The following SH2B3 variants were observed in gnomAD, a reference collection of about 807,000 sequenced individuals.
SH2B3 encodes the protein SH2B adapter protein 3.
A neutral mutation model predicts 51.9 loss-of-function variants in SH2B3; 43 were observed. The observed-to-expected ratio is 0.83, with a 90% CI of 0.65 to 1.07. The LOEUF (loss-of-function observed/expected upper bound fraction) is 1.07. Among genes scored for constraint, SH2B3 ranks in the 50% least tolerant of loss-of-function variants. The pLI is 0.00. For synonymous variants in SH2B3, 396 were observed against 376.0 expected (o/e 1.05, Z -0.62); for missense variants, 952 against 834.3 (o/e 1.14, Z -1.74).
intron 2 of SH2B3, among the ~76,000 whole-genome samples, chr12:111,419,656 A>G (rs1054168792): frequency 3.3e-5 from 5 of 151,834 alleles, no homozygotes; most frequent in African/African-American, 9.7e-5. Flanking sequence ...AAAAATGTTT[A>G]GACTTACAGG....
At position 111,448,627 on chromosome 12, in the gene SH2B3, G is replaced by A. The variant is rs1874303885; in HGVS notation, c.*325G>A. 15 of 278,408 alleles carry A rather than the reference G, an allele frequency of 5.4e-5. No homozygotes were observed. In the South Asian group the frequency reaches 9.6e-4, roughly 18 times the overall value. 17.2% of individuals were successfully genotyped at this position (278,408 alleles called of 1,614,324 possible). On this transcript the variant is annotated 3_prime_UTR_variant, in exon 8 of 8. Coordinates refer to ENST00000341259, the MANE Select transcript of SH2B3 (RefSeq NM_005475.3). ...TGGGGTGAGGGCCAGAGCTGGCAGTGGAAACTTGTTCTCTTTTTCACTGAC... is the reference window on the plus strand; with the variant it reads ...TGGGGTGAGGGCCAGAGCTGGCAGTAGAAACTTGTTCTCTTTTTCACTGAC...
rs1872500142 is a variant in SH2B3 at position 111,431,621 on chromosome 12, C to T, written c.732+12744C>T. On this transcript the variant is annotated intron_variant, in intron 2 of 7. Transcript: ENST00000341259. ...TGAGACTGGGGGACACTGCTCTGTC[C>T]CCCAGACTAGAGAGCAGTGGCGCCA... Among the ~76,000 whole-genome samples the T allele has an allele frequency of 2.6e-5, 4 of 152,118 alleles. No individual in the cohort carries two copies. The South Asian group carries it at 8.3e-4, about 32-fold the overall frequency.
At position 111,410,638 on chromosome 12, in the gene SH2B3, A is replaced by G. The variant is rs1361213213; in HGVS notation, c.-28+4361A>G. On this transcript the variant is annotated intron_variant, in intron 1 of 7. Transcript: ENST00000341259. The surrounding 1 kb of genome is among the most constrained non-coding windows in gnomAD (Gnocchi z 4.9). Reference sequence around the variant, plus strand: ...CTGGCAGACTGTGCTGGCCTGATAAATGTCCCCGGGGCACAAGGTGACCCC... The same window carrying G: ...CTGGCAGACTGTGCTGGCCTGATAAGTGTCCCCGGGGCACAAGGTGACCCC... Among the ~76,000 whole-genome samples the G allele has an allele frequency of 6.6e-6, 1 of 152,158 alleles. No individual in the cohort carries two copies. The highest frequency in any genetic ancestry group is 1.9e-4 in the East Asian group (1 of 5,182).
chr12:111,419,853 G>A (rs753773614), intron 2 of SH2B3, among the ~76,000 whole-genome samples: 3 of 152,026 alleles, frequency 2.0e-5, no homozygotes, highest in Non-Finnish European at 4.4e-5. Flanking sequence ...GTTCCAGCTC[G>A]CCCCCCAGGA....
intron 2 of SH2B3, among the ~76,000 whole-genome samples, chr12:111,422,233 AC>A (rs1871618751): frequency 6.6e-6 from 1 of 152,106 alleles, no homozygotes; most frequent in Admixed American, 6.5e-5. Flanking sequence ...GGCGCGTGCC[AC>A]CACACCCAGC....
At position 111,448,132 on chromosome 12, in the gene SH2B3, T is replaced by C; in HGVS notation, c.1558T>C (p.Ser520Pro). 3.1e-6 allele frequency: 5 copies of C among 1,614,082 alleles called. No individual in the cohort carries two copies. The highest frequency in any genetic ancestry group is 3.4e-6 in the Non-Finnish European group (4 of 1,179,992). The change falls in exon 8 of 8, where the codon TCA becomes CCA. Residue 520 changes from serine to proline, a missense_variant. By Grantham distance (74) the Ser-to-Pro change is moderately conservative. Transcript: ENST00000341259. The stretch of plus-strand genomic sequence containing the variant: ...CCCAGAGGGTCTCCCAGGGCGATCC[T>C]CACCCCCCGAGCAGATCTTCCACCT... ...LSPEGLPGRS[S>P]PPEQIFHLVP...
rs1490131569 is a variant in SH2B3, at chr12:111,418,218, G to A, written c.73G>A (p.Gly25Ser). 6 of 1,582,288 alleles carry A rather than the reference G, an allele frequency of 3.8e-6. No individual in the cohort carries two copies. The highest frequency in any genetic ancestry group is 8.5e-7 in the Non-Finnish European group (1 of 1,173,644). ...PSASPAAAPR[G>S]WSEFCELHAV... ...AGCCTCCCCGGCGGCGGCCCCGCGG[G>A]GCTGGAGCGAGTTCTGTGAGTTGCA... is the stretch of plus-strand genomic sequence containing the variant. Residue 25 changes from glycine (G) to serine (S), a missense_variant, in exon 2 of 8, where the codon GGC becomes AGC. By Grantham distance (56) the Gly-to-Ser change is moderately conservative (BLOSUM62 0). Transcript: ENST00000341259. This position sits in a 1 kb window ranked among gnomAD's most constrained non-coding sequence, Gnocchi z 6.7.
intron 2 of SH2B3, among the ~76,000 whole-genome samples, chr12:111,432,047 C>T (rs371606752): frequency 4.6e-5 from 7 of 152,116 alleles, no homozygotes; most frequent in East Asian, 1.9e-4. Flanking sequence ...TCAGCCTTTG[C>T]GGGCCTGGCA....
At chr12:111,427,107 C>T (rs1027916191) in intron 2 of SH2B3, among the ~76,000 whole-genome samples, 5 of 152,138 alleles carry the variant, frequency 3.3e-5, no homozygotes, top group South Asian at 4.2e-4. Context: ...GGGGATCGGC[C>T]GGGCACGGTG....
rs566341181 is a variant in SH2B3, at chr12:111,410,817, G to A, written c.-28+4540G>A. On this transcript the variant is annotated intron_variant, in intron 1 of 7. Coordinates refer to ENST00000341259, the MANE Select transcript of SH2B3 (RefSeq NM_005475.3). This position sits in a 1 kb window ranked among gnomAD's most constrained non-coding sequence, Gnocchi z 4.9. ...GCTGTGAAAGGGCAGCAGGCCGCCT[G>A]CCAGGCAGTGTGTGTCAGAATCCCA... Among the ~76,000 whole-genome samples, 140 of 152,314 alleles carry A rather than the reference G, an allele frequency of 9.2e-4. No homozygotes were observed. The highest frequency in any genetic ancestry group is 3.3e-3 in the African/African-American group (137 of 41,568).
At chr12:111,447,625 A>AG in intron 6 of SH2B3, 31 bp from the exon 7 acceptor site, 1 of 1,609,368 alleles carries the variant, frequency 6.2e-7, no homozygotes, top group Non-Finnish European at 8.5e-7. Context: ...CTAGAGGGAC[A>AG]GCCCGAGCCC....
chr12:111,431,668 A>G (rs1872505229), intron 2 of SH2B3, among the ~76,000 whole-genome samples: 1 of 151,904 alleles, frequency 6.6e-6, no homozygotes, highest in African/African-American at 2.4e-5. Flanking sequence ...TGCATCCTCA[A>G]CCTCCTGGGC....
At chr12:111,442,640 C>T (rs907875817) in intron 2 of SH2B3, among the ~76,000 whole-genome samples, 1 of 152,188 alleles carries the variant, frequency 6.6e-6, no homozygotes, top group Non-Finnish European at 1.5e-5. Context: ...TCCAGCGTCC[C>T]AGGAGGAGGG....
At position 111,435,601 on chromosome 12, in the gene SH2B3, C is replaced by T. The variant is rs555352547; in HGVS notation, c.733-11152C>T. On this transcript the variant is annotated intron_variant, in intron 2 of 7. Coordinates refer to ENST00000341259, the MANE Select transcript of SH2B3 (RefSeq NM_005475.3). This position sits in a 1 kb window ranked among gnomAD's most constrained non-coding sequence, Gnocchi z 4.8. ...CTCGAACTCCTGACCTCAAGTGATC[C>T]GCCCATCTTGACCTCCCAAAGTGCT... Among the ~76,000 whole-genome samples, 13 of 152,258 alleles carry T rather than the reference C, an allele frequency of 8.5e-5. No individual in the cohort carries two copies. In the South Asian group the frequency reaches 1.2e-3, roughly 15 times the overall value.
upstream of SH2B3, among the ~76,000 whole-genome samples, chr12:111,405,146 A>AG (rs1056154911): frequency 2.6e-5 from 4 of 151,924 alleles, no homozygotes; most frequent in African/African-American, 7.2e-5. The surrounding 1 kb of genome is among the most constrained non-coding windows in gnomAD (Gnocchi z 5.4). Flanking sequence ...GGGGGCGGGC[A>AG]GGGGGGTGGG....
Position 111,418,781 on chromosome 12 carries a change from C to T in SH2B3, c.636C>T (p.Asp212=). 2 of 1,467,222 alleles carry T rather than the reference C, an allele frequency of 1.4e-6. No homozygotes were observed. Among genetic ancestry groups the T allele is most frequent in the Non-Finnish European group, 1.8e-6 (2 of 1,118,858 alleles). The allele number at this position is 1,467,222 out of a possible 1,614,324, so 90.9% of individuals were successfully genotyped here. The change falls in exon 2 of 8, where the codon GAC becomes GAT. Residue 212 remains aspartate (D), a synonymous_variant. Coordinates refer to ENST00000341259, the MANE Select transcript of SH2B3 (RefSeq NM_005475.3). The surrounding 1 kb of genome is among the most constrained non-coding windows in gnomAD (Gnocchi z 6.7). ...RYSLADEASM[D]SGARWQRGRL... is the part of the protein sequence containing the mutation. The stretch of plus-strand genomic sequence containing the variant: ...GCCTGGCCGACGAGGCCTCCATGGA[C>T]AGCGGGGCACGCTGGCAGCGCGGGA...
rs778004604 is a variant in SH2B3 at position 111,418,261 on chromosome 12, G to C, written c.116G>C (p.Arg39Pro). Residue 39 changes from arginine to proline, a missense_variant, in exon 2 of 8, where the codon CGG becomes CCG. Physicochemically the swap from Arg to Pro is moderately radical, Grantham distance 103 (BLOSUM62 -2). Transcript: ENST00000341259. This position sits in a 1 kb window ranked among gnomAD's most constrained non-coding sequence, Gnocchi z 6.7. ...GAGTTGCACGCCGTAGCGGCGGCCC[G>C]GGAGCTGGCCCGCCAGTACTGGCTG... ...FCELHAVAAA[R>P]ELARQYWLFA... The C allele has an allele frequency of 6.5e-7, 1 of 1,533,306 alleles. No individual in the cohort carries two copies. The allele number at this position is 1,533,306 out of a possible 1,614,324, so 95.0% of individuals were successfully genotyped here. A position where few individuals can be genotyped will look rare whatever the true frequency, so the allele number is the denominator to read the frequency against.
At chr12:111,436,881 C>G (rs961973515) in intron 2 of SH2B3, among the ~76,000 whole-genome samples, 4 of 152,006 alleles carry the variant, frequency 2.6e-5, no homozygotes, top group African/African-American at 4.8e-5. Flanking sequence ...GTCCCAGCAT[C>G]TCTGGCTAAT....
chr12:111,428,346 C>T (rs1210738464), intron 2 of SH2B3, among the ~76,000 whole-genome samples: 1 of 152,200 alleles, frequency 6.6e-6, no homozygotes, highest in Non-Finnish European at 1.5e-5. Context: ...CCTGAGTGCC[C>T]AGGAGGCAGT....
Sources: gnomAD v4.1 joint callset for allele counts (sites outside exome capture counted in the v4.1 genomes callset) on GRCh38, gnomAD v4.1.1 for gene constraint, Gnocchi (gnomAD v3.1) non-coding constraint, MANE v1.5 for transcripts, NCBI Gene and HGNC (gene_info 2026-07-23, HGNC 2026-07-21) for gene names.